The following RNF150 variants were observed in gnomAD, a reference collection of about 807,000 sequenced individuals.
The protein encoded by RNF150 is ring finger protein 150.
A neutral mutation model predicts 39.3 loss-of-function variants in RNF150; 24 were observed. That is an observed-to-expected ratio of 0.61 (90% confidence interval 0.44 to 0.86). The LOEUF (loss-of-function observed/expected upper bound fraction) is 0.86, where lower values mean the gene tolerates loss of function less well. RNF150 is among the 40% of genes least tolerant of loss of function. RNF150 has a pLI of 0.00. For missense variants in RNF150, 502 were observed against 587.8 expected (o/e 0.85, Z 1.51); for synonymous variants, 255 against 227.3 (o/e 1.12, Z -1.10).
intron 1 of RNF150, among the ~76,000 whole-genome samples, chr4:141,108,126 C>G (rs988286683): frequency 1.3e-5 from 2 of 152,164 alleles, no homozygotes; most frequent in Non-Finnish European, 2.9e-5. Flanking sequence ...TGAAAGCACT[C>G]TCTCCAAATA....
At chr4:141,057,113 A>G (rs970708098) in intron 1 of RNF150, among the ~76,000 whole-genome samples, 40 of 152,018 alleles carry the variant, frequency 2.6e-4, no homozygotes, top group Non-Finnish European at 7.4e-5. Flanking sequence ...GTGAAGCATA[A>G]ACTGGTGTAC....
At chr4:141,042,950 G>A (rs1314761571) in intron 1 of RNF150, among the ~76,000 whole-genome samples, 1 of 152,048 alleles carries the variant, frequency 6.6e-6, no homozygotes, top group Non-Finnish European at 1.5e-5. Flanking sequence ...GGTAAAAACT[G>A]CAATTACTTT....
At chr4:141,066,826 A>C (rs1262051806) in intron 1 of RNF150, among the ~76,000 whole-genome samples, 1 of 152,218 alleles carries the variant, frequency 6.6e-6, no homozygotes, top group Non-Finnish European at 1.5e-5. Flanking sequence ...GCGTCACTTA[A>C]CAGGGCTATA....
intron 1 of RNF150, among the ~76,000 whole-genome samples, chr4:141,048,809 G>A (rs1736674592): frequency 6.6e-6 from 1 of 152,160 alleles, no homozygotes. Flanking sequence ...TACATGACAA[G>A]AAGAAGATAT....
intron 1 of RNF150, among the ~76,000 whole-genome samples, chr4:141,206,642 G>A (rs190492937): frequency 1.3e-5 from 2 of 152,168 alleles, no homozygotes; most frequent in Admixed American, 1.3e-4. Flanking sequence ...ACCTGTGACT[G>A]TGTTACATGA....
chr4:140,869,863 G>C (rs1728860758), intron 6 of RNF150, among the ~76,000 whole-genome samples: 1 of 151,868 alleles, frequency 6.6e-6, no homozygotes, highest in Non-Finnish European at 1.5e-5. Flanking sequence ...ATGGACAGAG[G>C]AGGCCAGAGA....
intron 6 of RNF150, among the ~76,000 whole-genome samples, chr4:140,882,819 A>G (rs559859427): frequency 2.0e-5 from 3 of 152,294 alleles, no homozygotes; most frequent in African/African-American, 7.2e-5. Context: ...ATCTAAAGTG[A>G]CTGCCTTGTA....
At chr4:140,945,239 G>A (rs1387363990) in intron 4 of RNF150, among the ~76,000 whole-genome samples, 1 of 152,072 alleles carries the variant, frequency 6.6e-6, no homozygotes, top group East Asian at 1.9e-4. Flanking sequence ...AAGAGCAAGG[G>A]CTAATGTACA....
intron 1 of RNF150, among the ~76,000 whole-genome samples, chr4:141,071,337 C>T (rs1345819666): frequency 1.3e-5 from 2 of 151,228 alleles, no homozygotes; most frequent in Non-Finnish European, 2.9e-5. Context: ...ACATATGTAA[C>T]TAACCTGCAC....
Position 140,998,512 on chromosome 4 carries a change from T to C in RNF150, c.485-30639A>G, listed in dbSNP as rs1579039486. Among the ~76,000 whole-genome samples, 13 of 152,318 alleles carry C rather than the reference T, an allele frequency of 8.5e-5. No individual in the cohort carries two copies. In the South Asian group the frequency reaches 2.7e-3, roughly 32 times the overall value. Reference sequence around the variant, plus strand: ...TGTGAGAAAATAAGTGTCTGTTGTTTAGGCTACCCAGACTGTGGCATTTTG... The same window carrying C: ...TGTGAGAAAATAAGTGTCTGTTGTTCAGGCTACCCAGACTGTGGCATTTTG... On this transcript the variant is annotated intron_variant, in intron 1 of 6. Coordinates refer to ENST00000515673, the MANE Select transcript of RNF150 (RefSeq NM_020724.2).
intron 6 of RNF150, among the ~76,000 whole-genome samples, chr4:140,879,131 T>C (rs554343844): frequency 2.8e-4 from 43 of 152,344 alleles, no homozygotes; most frequent in Admixed American, 3.3e-4. Context: ...CCATATTGTT[T>C]TGATTACCAT....
chr4:141,188,890 A>C (rs1303746791), intron 1 of RNF150, among the ~76,000 whole-genome samples: 2 of 152,154 alleles, frequency 1.3e-5, no homozygotes, highest in Non-Finnish European at 2.9e-5. Flanking sequence ...CAATCTGTCA[A>C]ACTCATTGTC....
At chr4:141,051,384 T>G (rs1316980428) in intron 1 of RNF150, among the ~76,000 whole-genome samples, 2 of 152,192 alleles carry the variant, frequency 1.3e-5, no homozygotes, top group African/African-American at 4.8e-5. Context: ...CCTCAGAAAA[T>G]GAGATTTTCT....
intron 1 of RNF150, among the ~76,000 whole-genome samples, chr4:141,096,790 G>A (rs560646825): frequency 2.6e-5 from 4 of 152,318 alleles, no homozygotes; most frequent in African/African-American, 9.6e-5. Context: ...ACACAGACAA[G>A]GGACCTCAAA....
rs1560696593 is a variant in RNF150, at chr4:141,027,912, G to GTTTTTTGT, written c.485-60040_485-60039insACAAAAAA. 4.2e-3 allele frequency among the ~76,000 whole-genome samples: 115 copies of GTTTTTTGT among 27,092 alleles called. 4 individuals are homozygous for GTTTTTTGT. The highest frequency in any genetic ancestry group is 5.1e-3 in the Non-Finnish European group (59 of 11,590). The allele number at this position is 27,092 out of a possible 152,430, so 17.8% of individuals were successfully genotyped here. A position where few individuals can be genotyped will look rare whatever the true frequency, so the allele number is the denominator to read the frequency against. On this transcript the variant is annotated intron_variant, in intron 1 of 6. Coordinates refer to ENST00000515673, the MANE Select transcript of RNF150 (RefSeq NM_020724.2). ...TAGATAGTTAATGAGCTTGGAATTT[G>GTTTTTTGT]TTTTTTTTTTTTTGTTTTTTTTTTT... is the stretch of plus-strand genomic sequence containing the variant.
chr4:141,199,643 G>A (rs1252255060), intron 1 of RNF150, among the ~76,000 whole-genome samples: 1 of 152,146 alleles, frequency 6.6e-6, no homozygotes, highest in Non-Finnish European at 1.5e-5. Flanking sequence ...TCTAGGAAAA[G>A]CAAAATTATA....
chr4:141,153,496 C>T (rs1250306852), intron 1 of RNF150, among the ~76,000 whole-genome samples: 1 of 152,170 alleles, frequency 6.6e-6, no homozygotes, highest in Non-Finnish European at 1.5e-5. Flanking sequence ...ACACCTTGAT[C>T]TTGAACTTCA....
At chr4:141,074,559 T>C (rs1374071510) in intron 1 of RNF150, among the ~76,000 whole-genome samples, 1 of 151,968 alleles carries the variant, frequency 6.6e-6, no homozygotes, top group Non-Finnish European at 1.5e-5. Context: ...CCTAGAGGAC[T>C]AGAGTAATAA....
At chr4:141,088,799 G>C (rs1204073796) in intron 1 of RNF150, among the ~76,000 whole-genome samples, 2 of 151,974 alleles carry the variant, frequency 1.3e-5, no homozygotes, top group East Asian at 3.9e-4. Flanking sequence ...TCCTTACTAG[G>C]CTTCTACACC....
Sources: allele counts gnomAD v4.1 joint callset (sites outside exome capture counted in the v4.1 genomes callset), GRCh38; gene constraint gnomAD v4.1.1; transcripts MANE v1.5; gene names NCBI Gene and HGNC (gene_info 2026-07-23, HGNC 2026-07-21).